Variants in LAMC1 observed in about 807,000 individuals in gnomAD.
LAMC1 encodes the protein laminin subunit gamma 1.
Under a neutral mutation model 173.6 loss-of-function variants are expected in LAMC1, and 38 were observed. That is an observed-to-expected ratio of 0.22 (90% CI 0.17 to 0.29). The LOEUF is 0.29. Ranked by LOEUF, LAMC1 falls within the 10% of genes least tolerant of loss-of-function variation. The pLI is 1.00. For synonymous variants in LAMC1, 746 were observed against 749.1 expected, an observed-to-expected ratio of 1.00 and a Z score of 0.07; for missense variants, 1,824 against 2,051.8, an observed-to-expected ratio of 0.89 and a Z score of 2.14.
intron 1 of LAMC1, among the ~76,000 whole-genome samples, chr1:183,101,352 G>A (rs758365984): frequency 2.3e-4 from 35 of 151,282 alleles, no homozygotes; most frequent in Non-Finnish European, 4.3e-4. Flanking sequence ...CATTTTTGAC[G>A]CAACAAAGAG....
At chr1:183,112,695 TG>T (rs1656195193) in intron 4 of LAMC1, among the ~76,000 whole-genome samples, 1 of 151,996 alleles carries the variant, frequency 6.6e-6, no homozygotes. Flanking sequence ...GATCTTCAGG[TG>T]GGTTGGGCTT....
intron 18 of LAMC1, among the ~76,000 whole-genome samples, chr1:183,129,209 C>T (rs1029042972): frequency 1.1e-4 from 17 of 151,110 alleles, no homozygotes; most frequent in Middle Eastern, 3.4e-3. Context: ...CCTCAGCCTC[C>T]CAAGTACCTG....
intron 4 of LAMC1, 144 bp from the exon 5 acceptor site, chr1:183,114,387 T>C: frequency 1.2e-6 from 1 of 841,300 alleles, no homozygotes; most frequent in Non-Finnish European, 2.0e-6. Context: ...TTGTTGTTAA[T>C]GAACAGTGCA....
At chr1:183,107,718 T>C (rs1389310983) in intron 2 of LAMC1, among the ~76,000 whole-genome samples, 2 of 151,984 alleles carry the variant, frequency 1.3e-5, no homozygotes, top group African/African-American at 2.4e-5. Context: ...TAGTCCCAGC[T>C]ACTCGGGAGG....
intron 1 of LAMC1, among the ~76,000 whole-genome samples, chr1:183,035,628 A>T (rs1653960416): frequency 6.6e-6 from 1 of 152,210 alleles, no homozygotes; most frequent in African/African-American, 2.4e-5. Context: ...GTGTCTGTTG[A>T]TAGAAAAAAT....
At chr1:183,135,493 G>C (rs567784708) in intron 24 of LAMC1, among the ~76,000 whole-genome samples, 2 of 152,034 alleles carry the variant, frequency 1.3e-5, no homozygotes, top group Non-Finnish European at 2.9e-5. Context: ...CCAGATAGAA[G>C]AGAAATGTGA....
intron 1 of LAMC1, among the ~76,000 whole-genome samples, chr1:183,074,592 C>A (rs1655083313): frequency 6.6e-6 from 1 of 152,162 alleles, no homozygotes; most frequent in African/African-American, 2.4e-5. Context: ...AATATTGAGC[C>A]TGAGTTGCAG....
chr1:183,103,921 G>T (rs1217059666), intron 2 of LAMC1, among the ~76,000 whole-genome samples: 1 of 152,116 alleles, frequency 6.6e-6, no homozygotes, highest in Non-Finnish European at 1.5e-5. Context: ...TTTAACGTTA[G>T]TCTCTGTACC....
At chr1:183,102,500 T>C (rs1655861131) in intron 1 of LAMC1, among the ~76,000 whole-genome samples, 1 of 152,216 alleles carries the variant, frequency 6.6e-6, no homozygotes, top group Non-Finnish European at 1.5e-5. Flanking sequence ...AATGTGTGAA[T>C]GAATGGTGAT....
intron 16 of LAMC1, 125 bp downstream of exon 16, chr1:183,126,387 C>A: frequency 2.3e-6 from 2 of 852,392 alleles, no homozygotes; most frequent in South Asian, 1.9e-5. Flanking sequence ...GTACCTAAGT[C>A]ATCGTAGATG....
chr1:183,118,938 A>G (rs2102087118), intron 11 of LAMC1, among the ~76,000 whole-genome samples: 1 of 152,142 alleles, frequency 6.6e-6, no homozygotes, highest in African/African-American at 2.4e-5. Flanking sequence ...TTGCTCTGTC[A>G]CCCAGGCTGT....
chr1:183,102,896 G>C (rs948826602), intron 1 of LAMC1, among the ~76,000 whole-genome samples: 1 of 152,172 alleles, frequency 6.6e-6, no homozygotes, highest in Non-Finnish European at 1.5e-5. Context: ...AGTTAATAGA[G>C]AATGAGGTTT....
At chr1:183,067,055 C>CT (rs1249046012) in intron 1 of LAMC1, among the ~76,000 whole-genome samples, 2 of 152,138 alleles carry the variant, frequency 1.3e-5, no homozygotes, top group African/African-American at 4.8e-5. Flanking sequence ...TATAGCTTTT[C>CT]TGAAGTTATG....
At chr1:183,123,373 A>T (rs1223614346) in intron 13 of LAMC1, among the ~76,000 whole-genome samples, 4 of 152,182 alleles carry the variant, frequency 2.6e-5, no homozygotes, top group Non-Finnish European at 4.4e-5. Context: ...CTCAACATGA[A>T]AGCCAAAATG....
chr1:183,024,113 A>G lies in LAMC1; in HGVS notation c.397A>G (p.Ile133Val), dbSNP rs780659058. 5.6e-6 allele frequency: 9 copies of G among 1,597,654 alleles called. No homozygotes were observed. Among genetic ancestry groups the G allele is most frequent in the Non-Finnish European group, 7.7e-6 (9 of 1,172,564 alleles). The change falls in exon 1 of 28, where the codon ATC becomes GTC. Residue 133 changes from isoleucine to valine, a missense_variant. Coordinates refer to ENST00000258341, the MANE Select transcript of LAMC1 (RefSeq NM_002293.4). Reference sequence around the variant, plus strand: ...GGCCGGGGTGCAGTACCCCAGCTCCATCAACCTCACGCTGCACCTGGGTAA... The same window carrying G: ...GGCCGGGGTGCAGTACCCCAGCTCCGTCAACCTCACGCTGCACCTGGGTAA... ...MLAGVQYPSSINLTLHLGKAF... is the reference protein window; with the variant it reads ...MLAGVQYPSSVNLTLHLGKAF...
chr1:183,102,533 A>T (rs1414426106), intron 1 of LAMC1, among the ~76,000 whole-genome samples: 1 of 152,220 alleles, frequency 6.6e-6, no homozygotes, highest in Non-Finnish European at 1.5e-5. Context: ...CCATGTGAAG[A>T]CACACTGGCT....
chr1:183,023,668 A>C lies in LAMC1; in HGVS notation c.-49A>C. The C allele has an allele frequency of 8.8e-7, 1 of 1,139,518 alleles. No homozygotes were observed. Among genetic ancestry groups the C allele is most frequent in the Non-Finnish European group, 1.1e-6 (1 of 926,508 alleles). 70.6% of individuals were successfully genotyped at this position (1,139,518 alleles called of 1,614,324 possible). A position where few individuals can be genotyped will look rare whatever the true frequency, so the allele number is the denominator to read the frequency against. Reference sequence around the variant, plus strand: ...CGGGGGACGCCGCTAGGCGAGAGGAACGCGCCGGTGCCCTTGCCTTCGCCG... The same window carrying C: ...CGGGGGACGCCGCTAGGCGAGAGGACCGCGCCGGTGCCCTTGCCTTCGCCG... On this transcript the variant is annotated 5_prime_UTR_variant, in exon 1 of 28. Transcript: ENST00000258341.
At chr1:183,085,717 C>T (rs184005980) in intron 1 of LAMC1, among the ~76,000 whole-genome samples, 19 of 152,038 alleles carry the variant, frequency 1.2e-4, no homozygotes, top group Admixed American at 4.6e-4. Context: ...TTATAGGCTC[C>T]GTTACTGTAG....
At chr1:183,071,174 T>C (rs570468705) in intron 1 of LAMC1, among the ~76,000 whole-genome samples, 2 of 152,112 alleles carry the variant, frequency 1.3e-5, no homozygotes, top group African/African-American at 4.8e-5. Context: ...TGTGTGTTTG[T>C]GTGTGTGTTG....
Sources: allele counts gnomAD v4.1 joint callset (sites outside exome capture counted in the v4.1 genomes callset), GRCh38; gene constraint gnomAD v4.1.1; transcripts MANE v1.5; gene names NCBI Gene and HGNC (gene_info 2026-07-23, HGNC 2026-07-21).